The following AGRN variants were observed in gnomAD, a reference collection of about 807,000 sequenced individuals.
The protein encoded by AGRN is agrin.
Under a neutral mutation model 211.0 loss-of-function variants are expected in AGRN, and 106 were observed. The ratio of observed to expected loss-of-function variants is 0.50; its 90% CI spans 0.43 to 0.59. The LOEUF (loss-of-function observed/expected upper bound fraction) is 0.59. Ranked by LOEUF, AGRN falls within the 20% of genes least tolerant of loss-of-function variation. The pLI, the probability that AGRN is intolerant of heterozygous loss-of-function variation, is 0.00. For missense variants in AGRN, 3,040 were observed against 2,982.6 expected, an observed-to-expected ratio of 1.02 and a Z score of -0.45; for synonymous variants, 1,525 against 1,332.5, an observed-to-expected ratio of 1.14 and a Z score of -3.15.
Position 1,049,775 on chromosome 1 carries a change from A to C in AGRN, c.4724A>C (p.Gln1575Pro), listed in dbSNP as rs758006205. 3 of 1,590,048 alleles carry C rather than the reference A, an allele frequency of 1.9e-6. No individual in the cohort carries two copies. The highest frequency in any genetic ancestry group is 1.1e-5 in the South Asian group (1 of 89,050). ...QNLEAGRFHCQCPPGRVGPTC... is the reference protein window; with the variant it reads ...QNLEAGRFHCPCPPGRVGPTC... Reference sequence around the variant, plus strand: ...CTGGAGGCTGGAAGGTTCCATTGCCAGTGCCCGCCCGGCCGCGTCGGTGAG... The same window carrying C: ...CTGGAGGCTGGAAGGTTCCATTGCCCGTGCCCGCCCGGCCGCGTCGGTGAG... The change falls in exon 26 of 36, where the codon CAG becomes CCG. Residue 1575 changes from glutamine (Q) to proline (P), a missense_variant. Coordinates refer to ENST00000379370, the MANE Select transcript of AGRN (RefSeq NM_198576.4).
chr1:1,027,144 GT>G (rs1644538437), intron 2 of AGRN, among the ~76,000 whole-genome samples: 1 of 152,264 alleles, frequency 6.6e-6, no homozygotes, highest in Non-Finnish European at 1.5e-5. Context: ...TCCTCCTGCA[GT>G]CCCCCCACGG....
chr1:1,050,086 T>C, intron 27 of AGRN, 49 bp downstream of exon 27: 1 of 1,534,914 alleles, frequency 6.5e-7, no homozygotes, highest in Non-Finnish European at 8.8e-7. Context: ...GGGTTGAACG[T>C]TTGGGCGGGT....
Position 1,041,221 on chromosome 1 carries a change from G to A in AGRN, c.776G>A (p.Cys259Tyr). Residue 259 changes from cysteine to tyrosine, a missense_variant, in exon 5 of 36, where the codon TGT becomes TAT. By Grantham distance (194) the Cys-to-Tyr change is radical. Around this residue, in one of 3 missense-constraint regions of AGRN, gnomAD observed 1,498 missense variants for 1,457.8 expected, o/e 1.03. Coordinates refer to ENST00000379370, the MANE Select transcript of AGRN (RefSeq NM_198576.4). Reference sequence around the variant, plus strand: ...GTGACCTGCAGCTTCGGCAGCACCTGTGCGCGCTCGGCCGACGGGCTGACG... The same window carrying A: ...GTGACCTGCAGCTTCGGCAGCACCTATGCGCGCTCGGCCGACGGGCTGACG... ...SNVTCSFGSTCARSADGLTAS... is the reference protein window; with the variant it reads ...SNVTCSFGSTYARSADGLTAS... 1 of 1,480,448 alleles carries A rather than the reference G, an allele frequency of 6.8e-7. No homozygotes were observed. 91.7% of individuals were successfully genotyped at this position (1,480,448 alleles called of 1,614,324 possible).
chr1:1,028,196 C>T (rs143474169), intron 2 of AGRN, among the ~76,000 whole-genome samples: 9 of 152,242 alleles, frequency 5.9e-5, no homozygotes, highest in East Asian at 1.9e-4. Flanking sequence ...GCTGTGGACA[C>T]GGGGCGGAAG....
At chr1:1,045,559 G>A in intron 14 of AGRN, 36 bp downstream of exon 14, 3 of 1,609,976 alleles carry the variant, frequency 1.9e-6, no homozygotes, top group Non-Finnish European at 2.5e-6. Flanking sequence ...CACCGGCTAT[G>A]CCCTCCTACC....
At chr1:1,035,369 CTT>C (rs769620469) in intron 3 of AGRN, 45 bp downstream of exon 3, 3 of 1,608,534 alleles carry the variant, frequency 1.9e-6, no homozygotes, top group South Asian at 2.2e-5. Context: ...CTGTGGCACT[CTT>C]GGGAGTCAGG....
At position 1,042,055 on chromosome 1, in the gene AGRN, G is replaced by A. The variant is rs761799771; in HGVS notation, c.1277G>A (p.Arg426Lys). The A allele has an allele frequency of 6.2e-6, 10 of 1,608,250 alleles. No homozygotes were observed. The Admixed American group carries it at 1.3e-4, about 21-fold the overall frequency. The part of the protein sequence containing the change: ...CDRVTCDGAY[R>K]PVCAQDGRTY... ...CGCGTCACCTGTGACGGGGCCTACA[G>A]GCCCGTGTGTGCCCAGGACGGGCGC... Residue 426 changes from arginine to lysine, a missense_variant, in exon 7 of 36, where the codon AGG becomes AAG. By Grantham distance (26) the Arg-to-Lys change is conservative. Transcript: ENST00000379370.
Position 1,035,301 on chromosome 1 carries a change from C to T in AGRN, c.488C>T (p.Pro163Leu), listed in dbSNP as rs916658038. The change falls in exon 3 of 36, where the codon CCA becomes CTA. Residue 163 changes from proline (P) to leucine (L), a missense_variant. Transcript: ENST00000379370. ...GATAAACCCGGGACCCACTTCACTC[C>T]AGTGCCTCCGACGCCTCCTGATGGT... ...VEDKPGTHFT[P>L]VPPTPPDACR... 2 of 1,613,136 alleles carry T rather than the reference C, an allele frequency of 1.2e-6. No individual in the cohort carries two copies.
rs1449423380 is a variant in AGRN, at chr1:1,044,154, G to A, written c.2045G>A (p.Cys682Tyr). The stretch of plus-strand genomic sequence containing the variant: ...TCTGGCTCTGGGGAGGACGGTGACT[G>A]TGAGCAGGAGCTGTGCCGGCAGCGC... The part of the protein sequence containing the change: ...GGSGSGEDGD[C>Y]EQELCRQRGG... Residue 682 changes from cysteine to tyrosine, a missense_variant, in exon 11 of 36, where the codon TGT becomes TAT. By Grantham distance (194) the Cys-to-Tyr change is radical. Coordinates refer to ENST00000379370, the MANE Select transcript of AGRN (RefSeq NM_198576.4). 6.2e-7 allele frequency: 1 copy of A among 1,613,304 alleles called. No individual in the cohort carries two copies. The highest frequency in any genetic ancestry group is 8.5e-7 in the Non-Finnish European group (1 of 1,179,942).
chr1:1,052,760 CAT>C, intron 33 of AGRN: 1 of 145,682 alleles, frequency 6.9e-6, no homozygotes, highest in East Asian at 2.1e-4. Flanking sequence ...TGCATGGGTC[CAT>C]GTGTGTATAG....
At chr1:1,054,715 C>T in intron 35 of AGRN, 109 bp from the exon 36 acceptor site, 3 of 1,499,026 alleles carry the variant, frequency 2.0e-6, no homozygotes, top group East Asian at 2.5e-5. Context: ...TGCTGTGGGG[C>T]CGGGAGGCGG....
chr1:1,036,800 G>A (rs4970350), intron 3 of AGRN, among the ~76,000 whole-genome samples: 78,714 of 151,972 alleles, frequency 0.52, 21,689 homozygotes, highest in East Asian at 0.79. Context: ...AGAGGAGACC[G>A]GTCTGCGTGG....
intron 1 of AGRN, among the ~76,000 whole-genome samples, chr1:1,021,246 T>C (rs1342387205): frequency 6.6e-6 from 1 of 152,180 alleles, no homozygotes; most frequent in Non-Finnish European, 1.5e-5. Flanking sequence ...GCCAGGCCCC[T>C]GCAGGATTTT....
chr1:1,052,935 G>A (rs2100695994), intron 33 of AGRN: 1 of 165,890 alleles, frequency 6.0e-6, no homozygotes, highest in African/African-American at 2.4e-5. Flanking sequence ...TATATATGGG[G>A]GGATATGTAG....
intron 3 of AGRN, 122 bp from the exon 4 acceptor site, chr1:1,040,543 A>AC: frequency 8.4e-7 from 1 of 1,187,572 alleles, no homozygotes; most frequent in Admixed American, 2.1e-5. Context: ...TCCGTGGTGG[A>AC]CCCCCGATGC....
intron 3 of AGRN, among the ~76,000 whole-genome samples, chr1:1,040,388 G>C (rs573535178): frequency 6.6e-6 from 1 of 152,308 alleles, no homozygotes; most frequent in African/African-American, 2.4e-5. Context: ...TGCCGCCTGC[G>C]GCAGACGCCC....
intron 3 of AGRN, among the ~76,000 whole-genome samples, chr1:1,039,590 G>T (rs1207872369): frequency 2.0e-5 from 3 of 152,224 alleles, no homozygotes; most frequent in African/African-American, 7.2e-5. Flanking sequence ...GGGGGTGGGG[G>T]TGCTCAGGAT....
Position 1,045,341 on chromosome 1 carries a change from C to T in AGRN, c.2372-18C>T, listed in dbSNP as rs1645060459. On this transcript the variant is annotated intron_variant, in intron 13 of 35. Transcript: ENST00000379370. Reference sequence around the variant, plus strand: ...CGGCTGTGCGGCCACGTGACCTTGTCCTGCCCTGGCCTTTCAGGTGCCTGC... The same window carrying T: ...CGGCTGTGCGGCCACGTGACCTTGTTCTGCCCTGGCCTTTCAGGTGCCTGC... 1 of 1,611,812 alleles carries T rather than the reference C, an allele frequency of 6.2e-7. No homozygotes were observed.
At chr1:1,052,323 C>T (rs1294779344) in intron 33 of AGRN, 4 of 349,594 alleles carry the variant, frequency 1.1e-5, no homozygotes, top group East Asian at 1.5e-4. Context: ...TGTGTCTGTG[C>T]GTGTCTATGT....
Sources: gnomAD v4.1 joint callset for allele counts (sites outside exome capture counted in the v4.1 genomes callset) on GRCh38, gnomAD v4.1.1 for gene constraint, gnomAD v4.1.1 regional missense constraint, MANE v1.5 for transcripts, NCBI Gene and HGNC (gene_info 2026-07-23, HGNC 2026-07-21) for gene names.